The following MYO3B variants were observed in gnomAD, a reference collection of about 807,000 sequenced individuals.
MYO3B encodes the protein myosin IIIB, also known as myosin-IIIb.
MYO3B carries 156 observed loss-of-function variants against 174.6 expected under a neutral mutation model. The observed-to-expected ratio is 0.89, with a 90% confidence interval of 0.78 to 1.02. The LOEUF (loss-of-function observed/expected upper bound fraction) is 1.02. Among genes scored for constraint, MYO3B ranks in the 50% least tolerant of loss-of-function variants. MYO3B has a pLI of 0.00. For missense variants in MYO3B, 1,632 were observed against 1,639.4 expected (o/e 1.00, Z 0.08); for synonymous variants, 563 against 569.1 (o/e 0.99, Z 0.15).
intron 7 of MYO3B, among the ~76,000 whole-genome samples, chr2:170,277,418 A>G (rs2093471443): frequency 1.3e-5 from 2 of 152,200 alleles, no homozygotes; most frequent in African/African-American, 4.8e-5. Context: ...AAATCAAAAT[A>G]CATCAATTAC....
chr2:170,506,915 C>T (rs1687652971), intron 28 of MYO3B, among the ~76,000 whole-genome samples: 1 of 152,210 alleles, frequency 6.6e-6, no homozygotes, highest in Non-Finnish European at 1.5e-5. Context: ...AACAAGCATG[C>T]CCTCTGTCAC....
At chr2:170,229,006 C>T (rs938766058) in intron 6 of MYO3B, among the ~76,000 whole-genome samples, 38 of 147,246 alleles carry the variant, frequency 2.6e-4, no homozygotes, top group Non-Finnish European at 1.2e-4. Context: ...TGTATCCTCT[C>T]TTGAAATTAT....
At chr2:170,358,652 G>A (rs545623667) in intron 8 of MYO3B, among the ~76,000 whole-genome samples, 7 of 152,256 alleles carry the variant, frequency 4.6e-5, no homozygotes, top group African/African-American at 1.7e-4. Flanking sequence ...TTATTGAGTA[G>A]TTTTTGCTGA....
At chr2:170,619,953 G>C (rs1382684464) in intron 32 of MYO3B, among the ~76,000 whole-genome samples, 4 of 151,464 alleles carry the variant, frequency 2.6e-5, no homozygotes, top group African/African-American at 7.3e-5. Context: ...CACCATGTTG[G>C]CCAGGCTGGC....
chr2:170,424,814 T>C (rs1403880288), intron 22 of MYO3B, among the ~76,000 whole-genome samples: 1 of 152,190 alleles, frequency 6.6e-6, no homozygotes, highest in African/African-American at 2.4e-5. Context: ...TGGTTTTATT[T>C]CTTTAATGAT....
chr2:170,223,308 C>A (rs2092920485), intron 6 of MYO3B, among the ~76,000 whole-genome samples: 1 of 152,196 alleles, frequency 6.6e-6, no homozygotes, highest in Non-Finnish European at 1.5e-5. Context: ...TTTATTATCT[C>A]TTTTCTCCTC....
At chr2:170,435,941 T>C (rs896107873) in intron 22 of MYO3B, among the ~76,000 whole-genome samples, 2 of 152,200 alleles carry the variant, frequency 1.3e-5, no homozygotes, top group African/African-American at 4.8e-5. Context: ...CACCCTGGGT[T>C]CTGGGTACTT....
At chr2:170,493,240 A>AT (rs922378411) in intron 25 of MYO3B, among the ~76,000 whole-genome samples, 2 of 151,988 alleles carry the variant, frequency 1.3e-5, no homozygotes, top group Non-Finnish European at 2.9e-5. Flanking sequence ...CAAATCTCCA[A>AT]TTTTTTTTCA....
intron 7 of MYO3B, among the ~76,000 whole-genome samples, chr2:170,243,749 A>G (rs1220465882): frequency 6.6e-6 from 1 of 152,206 alleles, no homozygotes; most frequent in Non-Finnish European, 1.5e-5. Flanking sequence ...GAAAGCTTCT[A>G]TTCAAAAAGA....
chr2:170,387,505 G>C (rs749777704), intron 14 of MYO3B, among the ~76,000 whole-genome samples, 197 bp downstream of exon 14: 1 of 152,148 alleles, frequency 6.6e-6, no homozygotes, highest in Non-Finnish European at 1.5e-5. Flanking sequence ...AAGGGCTGGG[G>C]TGGGCGTGCT....
chr2:170,424,627 A>G (rs2094646633), intron 22 of MYO3B, among the ~76,000 whole-genome samples: 1 of 152,192 alleles, frequency 6.6e-6, no homozygotes. Context: ...AGAGAAAAAG[A>G]AAAACTAAAA....
At chr2:170,563,158 A>C (rs371036849) in intron 32 of MYO3B, among the ~76,000 whole-genome samples, 66 of 151,600 alleles carry the variant, frequency 4.4e-4, no homozygotes, top group African/African-American at 1.3e-3. Flanking sequence ...ACACACACAC[A>C]CCCCAAGAAT....
At chr2:170,328,611 A>T (rs375046058) in intron 7 of MYO3B, among the ~76,000 whole-genome samples, 38 of 152,304 alleles carry the variant, frequency 2.5e-4, no homozygotes, top group Admixed American at 5.9e-4. Context: ...TTGAAATCCC[A>T]TATGACATGT....
intron 7 of MYO3B, among the ~76,000 whole-genome samples, chr2:170,255,359 C>T (rs948890302): frequency 2.0e-5 from 3 of 152,150 alleles, no homozygotes; most frequent in African/African-American, 4.8e-5. Flanking sequence ...CTCACCATCC[C>T]TCCCTGCCCG....
At chr2:170,525,757 T>C (rs1040280330) in intron 30 of MYO3B, among the ~76,000 whole-genome samples, 7 of 152,168 alleles carry the variant, frequency 4.6e-5, no homozygotes, top group Non-Finnish European at 8.8e-5. Flanking sequence ...GACCTCAGAA[T>C]TGATGAGCCA....
chr2:170,597,690 A>G (rs1694242813), intron 32 of MYO3B, among the ~76,000 whole-genome samples: 1 of 152,230 alleles, frequency 6.6e-6, no homozygotes, highest in Non-Finnish European at 1.5e-5. Context: ...TACAGTCATG[A>G]ACCCTAAATG....
intron 22 of MYO3B, among the ~76,000 whole-genome samples, chr2:170,413,806 G>A (rs554239969): frequency 6.6e-6 from 1 of 152,178 alleles, no homozygotes; most frequent in African/African-American, 2.4e-5. Context: ...TTGGGAGGCC[G>A]AGGCGGGTGG....
chr2:170,649,110 AAATAATATATAATGTATATAAAAT>A (rs1698690695), intron 32 of MYO3B, among the ~76,000 whole-genome samples: 1 of 71,910 alleles, frequency 1.4e-5, no homozygotes, highest in Non-Finnish European at 2.2e-5. Flanking sequence ...ATTATATATA[AAATAATATATAATGTATATAAAAT>A]AATATATAAT....
At chr2:170,618,135 A>C (rs1035753836) in intron 32 of MYO3B, among the ~76,000 whole-genome samples, 1 of 152,144 alleles carries the variant, frequency 6.6e-6, no homozygotes, top group Non-Finnish European at 1.5e-5. Flanking sequence ...CTAAAACCTA[A>C]AGTGATATTG....
Sources: allele counts gnomAD v4.1 joint callset (sites outside exome capture counted in the v4.1 genomes callset), GRCh38; gene constraint gnomAD v4.1.1; transcripts MANE v1.5; gene names NCBI Gene and HGNC (gene_info 2026-07-23, HGNC 2026-07-21).